The following CUL4B variants were observed in gnomAD, a reference collection of about 807,000 sequenced individuals.
CUL4B encodes cullin 4B, also known as cullin-4B.
CUL4B carries 1 observed loss-of-function variant against 69.2 expected under a neutral mutation model. That is an observed-to-expected ratio of 0.01 (90% CI 0.01 to 0.07). The LOEUF is 0.07. Ranked by LOEUF, CUL4B falls within the 10% of genes least tolerant of loss-of-function variation. CUL4B has a pLI of 1.00. For synonymous variants in CUL4B, 237 were observed against 223.2 expected, an observed-to-expected ratio of 1.06 and a Z score of -0.55; for missense variants, 328 against 638.8, an observed-to-expected ratio of 0.51 and a Z score of 5.24.
At chrX:120,556,115 G>A (rs1924948918) in intron 2 of CUL4B, among the ~76,000 whole-genome samples, 2 of 110,435 alleles carry the variant, frequency 1.8e-5, no homozygotes, top group Admixed American at 1.9e-4. Flanking sequence ...TTCCAAGTCA[G>A]TTTCATATTT....
Position 120,560,808 on chromosome X carries a change from G to A in CUL4B, c.-170C>T, listed in dbSNP as rs1925248238. 3.0e-6 allele frequency: 3 copies of A among 1,003,432 alleles called. No homozygotes were observed. Among genetic ancestry groups the A allele is most frequent in the Non-Finnish European group, 3.8e-6 (3 of 790,477 alleles). The allele number at this position is 1,003,432 out of a possible 1,213,427, so 82.7% of individuals were successfully genotyped here. Reference sequence around the variant, plus strand: ...GGGGGGGGCTACACCGGGGGAATGGGAGGGTTTGGGAAGGCGGATAGGCTG... The same window carrying A: ...GGGGGGGGCTACACCGGGGGAATGGAAGGGTTTGGGAAGGCGGATAGGCTG... On this transcript the variant is annotated 5_prime_UTR_variant, in exon 1 of 20. Coordinates refer to ENST00000371322, the MANE Select transcript of CUL4B (RefSeq NM_001079872.2).
intron 17 of CUL4B, 100 bp downstream of exon 17, chrX:120,534,381 A>C: frequency 1.6e-6 from 1 of 629,219 alleles, no homozygotes; most frequent in Non-Finnish European, 2.6e-6. Flanking sequence ...AAAAAAACTC[A>C]AAACAGTTCT....
intron 10 of CUL4B, among the ~76,000 whole-genome samples, chrX:120,540,938 A>G (rs868503082): frequency 2.5e-4 from 28 of 112,830 alleles, no homozygotes; most frequent in African/African-American, 8.7e-4. Flanking sequence ...TATTATTAGA[A>G]GCCTCTGGGA....
chrX:120,551,464 G>C (rs998420519), intron 2 of CUL4B, among the ~76,000 whole-genome samples: 4 of 111,131 alleles, frequency 3.6e-5, no homozygotes, highest in African/African-American at 1.3e-4. Context: ...GCCTCCCAAA[G>C]TGCTGGATTA....
At chrX:120,539,849 T>C (rs747725215) in intron 11 of CUL4B, among the ~76,000 whole-genome samples, 1 of 112,103 alleles carries the variant, frequency 8.9e-6, no homozygotes, top group African/African-American at 3.2e-5. Context: ...AGTAGATAGG[T>C]TGCAACAAAA....
At chrX:120,542,556 A>G (rs182256032) in intron 9 of CUL4B, among the ~76,000 whole-genome samples, 148 of 111,941 alleles carry the variant, frequency 1.3e-3, no homozygotes, top group Non-Finnish European at 2.2e-3. Context: ...GTAAAAAGGA[A>G]TACCTTTCCT....
At chrX:120,572,089 T>G (rs1305292091) in intron 2 of CUL4B, 2 of 108,949 alleles carry the variant, frequency 1.8e-5, no homozygotes, top group African/African-American at 6.7e-5. Flanking sequence ...AGAGTTTAGA[T>G]TCTATCTAGT....
In CUL4B at chrX:120,574,510, T is replaced by C. The variant is rs751259899; in HGVS notation, c.67+41A>G. The C allele has an allele frequency of 6.2e-6, 7 of 1,122,346 alleles. No individual in the cohort carries two copies. In the East Asian group the frequency reaches 1.8e-4, roughly 29 times the overall value. 92.5% of individuals were successfully genotyped at this position (1,122,346 alleles called of 1,213,427 possible). ...ACCGCGCCCGGCCTGTTAACAATTA[T>C]TTAGACTTAACTCTTGAGTTTTACT... On this transcript the variant is annotated intron_variant, in intron 2 of 2. Transcript: ENST00000486604.
chrX:120,538,537 T>C lies in CUL4B; in HGVS notation c.1852+123A>G, dbSNP rs1923801554. The C allele has an allele frequency of 1.1e-5, 6 of 542,726 alleles. No individual in the cohort carries two copies. The South Asian group carries it at 1.6e-4, about 15-fold the overall frequency. 44.7% of individuals were successfully genotyped at this position (542,726 alleles called of 1,213,427 possible). ...TTGGAAACCTCAGGAGCTTGCTCAA[T>C]TTATGTTTTCATCATATATACATAG... On this transcript the variant is annotated intron_variant, in intron 13 of 19. Coordinates refer to ENST00000371322, the MANE Select transcript of CUL4B (RefSeq NM_001079872.2).
At chrX:120,548,663 G>A (rs1000042031) in intron 2 of CUL4B, among the ~76,000 whole-genome samples, 2 of 109,724 alleles carry the variant, frequency 1.8e-5, no homozygotes, top group African/African-American at 3.3e-5. Flanking sequence ...GTGAAACCCC[G>A]TCTCCACTAA....
rs1925221398 is a variant in CUL4B at position 120,560,468 on chromosome X, G to A, written c.171C>T (p.Asp57=). The change falls in exon 1 of 20, where the codon GAC becomes GAT. Residue 57 remains aspartate (D), a synonymous_variant. Coordinates refer to ENST00000371322, the MANE Select transcript of CUL4B (RefSeq NM_001079872.2). ...AAGAGGAGGAAGAGGTGGAATCAAA[G>A]TCTTCTCTCTCGTTACTACTGTTAC... ...SSSNSSNERE[D]FDSTSSSSST... The A allele has an allele frequency of 2.5e-6, 3 of 1,207,773 alleles. No individual in the cohort carries two copies. Among genetic ancestry groups the A allele is most frequent in the South Asian group, 3.5e-5 (2 of 56,758 alleles).
At chrX:120,537,171 G>A (rs1181192678) in intron 14 of CUL4B, 137 bp from the exon 15 acceptor site, 5 of 502,617 alleles carry the variant, frequency 9.9e-6, no homozygotes, top group Non-Finnish European at 1.7e-5. Context: ...CAACTATTAA[G>A]AAGACTTTAA....
In CUL4B at chrX:120,558,045, T is replaced by A; in HGVS notation, c.557-6A>T. On this transcript the variant is annotated splice_polypyrimidine_tract_variant and splice_region_variant and intron_variant, in intron 1 of 19. Transcript: ENST00000371322. ...TTCTGGTAATTTAGGCTTATCTAGA[T>A]GATATGTAAAAGGTTGGCATCAGAA... 1 of 1,112,557 alleles carries A rather than the reference T, an allele frequency of 9.0e-7. No individual in the cohort carries two copies. The highest frequency in any genetic ancestry group is 3.0e-5 in the East Asian group (1 of 33,330). 91.7% of individuals were successfully genotyped at this position (1,112,557 alleles called of 1,213,427 possible).
At chrX:120,534,032 C>T (rs1372930157) in intron 17 of CUL4B, among the ~76,000 whole-genome samples, 1 of 109,920 alleles carries the variant, frequency 9.1e-6, no homozygotes, top group Non-Finnish European at 1.9e-5. Flanking sequence ...CGCCACTGCA[C>T]TCCAGCCTGG....
intron 18 of CUL4B, among the ~76,000 whole-genome samples, chrX:120,532,038 T>C (rs1923349195): frequency 8.9e-6 from 1 of 111,857 alleles, no homozygotes; most frequent in Non-Finnish European, 1.9e-5. Flanking sequence ...AAGAGGTTTC[T>C]TGCAATCTTA....
upstream of CUL4B, among the ~76,000 whole-genome samples, chrX:120,561,974 T>A (rs1304966958): frequency 9.0e-6 from 1 of 111,566 alleles, no homozygotes; most frequent in Non-Finnish European, 1.9e-5. Context: ...CTCTTTCATG[T>A]AGCTGTAAAT....
intron 2 of CUL4B, among the ~76,000 whole-genome samples, chrX:120,553,785 A>C (rs1924819324): frequency 9.0e-6 from 1 of 111,690 alleles, no homozygotes; most frequent in South Asian, 3.7e-4. Context: ...CTCATACAAA[A>C]GTTGAGAACA....
At chrX:120,532,288 A>G in intron 18 of CUL4B, 134 bp downstream of exon 18, 2 of 512,083 alleles carry the variant, frequency 3.9e-6, no homozygotes, top group Non-Finnish European at 6.4e-6. Context: ...ATCAGGAAAC[A>G]TATTTAGCTG....
intron 2 of CUL4B, among the ~76,000 whole-genome samples, chrX:120,557,566 G>A (rs2147347704): frequency 8.9e-6 from 1 of 111,811 alleles, no homozygotes. Context: ...CTTTCCTATG[G>A]GTAGGTAACA....
Sources: gnomAD v4.1 joint callset for allele counts (sites outside exome capture counted in the v4.1 genomes callset) on GRCh38, gnomAD v4.1.1 for gene constraint, MANE v1.5 for transcripts, NCBI Gene and HGNC (gene_info 2026-07-23, HGNC 2026-07-21) for gene names.